EXOC2: variants seen among roughly 807,000 people sequenced by gnomAD.
EXOC2 encodes SEC5-like 1.
Under a neutral mutation model 131.8 loss-of-function variants are expected in EXOC2, and 70 were observed. The ratio of observed to expected loss-of-function variants is 0.53; its 90% CI spans 0.44 to 0.65. The LOEUF is 0.65. EXOC2 is among the 30% of genes least tolerant of loss of function. EXOC2 has a pLI of 0.00. For synonymous variants in EXOC2, 411 were observed against 398.4 expected, an observed-to-expected ratio of 1.03 and a Z score of -0.38; for missense variants, 923 against 1,108.6, an observed-to-expected ratio of 0.83 and a Z score of 2.38.
chr6:609,615 C>A (rs1386890104), intron 7 of EXOC2, among the ~76,000 whole-genome samples: 1 of 152,170 alleles, frequency 6.6e-6, no homozygotes, highest in Non-Finnish European at 1.5e-5. Context: ...GATTTAGACA[C>A]CTTCTTAAAT....
intron 5 of EXOC2, 89 bp downstream of exon 5, chr6:619,341 A>G: frequency 4.8e-6 from 5 of 1,034,482 alleles, no homozygotes; most frequent in Non-Finnish European, 6.0e-6. Context: ...CTGTATGCAG[A>G]GCCAGACCTA....
intron 25 of EXOC2, among the ~76,000 whole-genome samples, chr6:493,525 CTG>C (rs1030446112): frequency 3.3e-5 from 5 of 152,212 alleles, no homozygotes; most frequent in Non-Finnish European, 5.9e-5. Flanking sequence ...ATTATAAAAA[CTG>C]TGGTTAGCTA....
In EXOC2 at chr6:598,083, T is replaced by C. The variant is rs953425293; in HGVS notation, c.1011A>G (p.Glu337=). The C allele has an allele frequency of 1.2e-6, 2 of 1,613,844 alleles. No individual in the cohort carries two copies. Among genetic ancestry groups the C allele is most frequent in the Middle Eastern group, 1.6e-4 (1 of 6,062 alleles). Reference sequence around the variant, plus strand: ...TCTCAAGCAATTTATCCAGAAGTAATTCTCTTAAAGCTTCAATCCTTGTTT... The same window carrying C: ...TCTCAAGCAATTTATCCAGAAGTAACTCTCTTAAAGCTTCAATCCTTGTTT... ...EVETRIEALR[E]LLLDKLLETP... Residue 337 remains glutamate (E), a synonymous_variant, in exon 10 of 28, where the codon GAA becomes GAG. Coordinates refer to ENST00000230449, the MANE Select transcript of EXOC2 (RefSeq NM_018303.6).
intron 11 of EXOC2, among the ~76,000 whole-genome samples, chr6:579,270 A>C (rs558760689): frequency 6.6e-6 from 1 of 152,346 alleles, no homozygotes; most frequent in Admixed American, 6.5e-5. Flanking sequence ...GTTTAAGTAC[A>C]TCCTGAGTTT....
chr6:522,317 A>C (rs1250955609), intron 23 of EXOC2, among the ~76,000 whole-genome samples: 1 of 150,692 alleles, frequency 6.6e-6, no homozygotes, highest in Non-Finnish European at 1.5e-5. Context: ...GGCTGGGCAC[A>C]GGTGAAATGA....
At chr6:592,113 T>C (rs1259981318) in intron 11 of EXOC2, among the ~76,000 whole-genome samples, 1 of 152,164 alleles carries the variant, frequency 6.6e-6, no homozygotes, top group Non-Finnish European at 1.5e-5. Flanking sequence ...GCAGCAGCTA[T>C]GTCTTACTAG....
Position 575,388 on chromosome 6 carries a change from T to C in EXOC2, c.1318+1369A>G, listed in dbSNP as rs1272102288. On this transcript the variant is annotated intron_variant, in intron 12 of 27. Coordinates refer to ENST00000230449, the MANE Select transcript of EXOC2 (RefSeq NM_018303.6). ...ATGTAAATTAAGTGAGCACCAGCAG[T>C]GAGCTGCACCTTTTTTCCCTAAATG... Among the ~76,000 whole-genome samples the C allele has an allele frequency of 2.0e-5, 3 of 152,188 alleles. No homozygotes were observed. In the East Asian group the frequency reaches 5.8e-4, roughly 29 times the overall value.
intron 23 of EXOC2, among the ~76,000 whole-genome samples, chr6:507,901 CTTAA>C (rs917372445): frequency 1.3e-5 from 2 of 152,174 alleles, no homozygotes; most frequent in African/African-American, 4.8e-5. Flanking sequence ...AGTCTTCGTC[CTTAA>C]TTTTTTATTC....
intron 6 of EXOC2, among the ~76,000 whole-genome samples, chr6:611,768 G>A (rs138605660): frequency 6.6e-6 from 1 of 152,152 alleles, no homozygotes. Context: ...CATGATCATA[G>A]GTTTGTTATT....
At chr6:670,792 G>A (rs907099059) in intron 1 of EXOC2, among the ~76,000 whole-genome samples, 1 of 152,074 alleles carries the variant, frequency 6.6e-6, no homozygotes, top group Non-Finnish European at 1.5e-5. Context: ...AACATCTATA[G>A]AGCTGAGAGA....
intron 11 of EXOC2, 28 bp from the exon 12 acceptor site, chr6:576,910 G>C (rs190236432): frequency 1.2e-6 from 2 of 1,610,170 alleles, no homozygotes; most frequent in Admixed American, 1.7e-5. Context: ...GATATACAGA[G>C]TATATAGCAT....
chr6:495,850 C>G (rs181541800), intron 25 of EXOC2, among the ~76,000 whole-genome samples: 3 of 152,264 alleles, frequency 2.0e-5, no homozygotes, highest in Admixed American at 1.3e-4. Flanking sequence ...TACATGCATG[C>G]TGGATATTGA....
At chr6:555,096 A>G in intron 20 of EXOC2, 131 bp downstream of exon 20, 3 of 454,784 alleles carry the variant, frequency 6.6e-6, no homozygotes, top group Non-Finnish European at 7.6e-6. Flanking sequence ...ATAAAAAAAA[A>G]CTATTACTTC....
intron 1 of EXOC2, among the ~76,000 whole-genome samples, chr6:646,213 T>G (rs552075722): frequency 6.7e-4 from 102 of 152,328 alleles, no homozygotes; most frequent in Non-Finnish European, 1.2e-3. Flanking sequence ...GGTAACTGTA[T>G]TATAATATAA....
intron 22 of EXOC2, among the ~76,000 whole-genome samples, chr6:533,693 CAGA>C (rs1303998667): frequency 1.3e-5 from 2 of 151,986 alleles, no homozygotes; most frequent in African/African-American, 2.4e-5. Flanking sequence ...GGCAGGAGGC[CAGA>C]AGAAGAAGAG....
intron 2 of EXOC2, 44 bp from the exon 3 acceptor site, chr6:633,161 C>A (rs751698729): frequency 1.9e-6 from 3 of 1,592,358 alleles, no homozygotes; most frequent in Non-Finnish European, 2.6e-6. Flanking sequence ...AAGACAAGAA[C>A]AATAAGACCT....
At chr6:588,555 A>G (rs1018216691) in intron 11 of EXOC2, among the ~76,000 whole-genome samples, 1 of 152,146 alleles carries the variant, frequency 6.6e-6, no homozygotes, top group African/African-American at 2.4e-5. Context: ...GGGTTTCACT[A>G]TGTTGGCCAG....
chr6:655,756 C>T, intron 1 of EXOC2, among the ~76,000 whole-genome samples: 1 of 152,198 alleles, frequency 6.6e-6, no homozygotes, highest in South Asian at 2.1e-4. Flanking sequence ...AGAACTTTCC[C>T]GCTTTACACA....
chr6:553,764 G>T, intron 21 of EXOC2, 90 bp downstream of exon 21: 1 of 1,043,116 alleles, frequency 9.6e-7, no homozygotes, highest in Non-Finnish European at 1.5e-6. Flanking sequence ...ACGTGCTATA[G>T]CAAGGATGCA....
Sources: allele counts gnomAD v4.1 joint callset (sites outside exome capture counted in the v4.1 genomes callset), GRCh38; gene constraint gnomAD v4.1.1; transcripts MANE v1.5; gene names NCBI Gene and HGNC (gene_info 2026-07-23, HGNC 2026-07-21).